The following DNAH5 variants were observed in gnomAD, a reference collection of about 807,000 sequenced individuals.
DNAH5 encodes the protein axonemal beta dynein heavy chain 5.
In DNAH5, 372 loss-of-function variants were observed where a neutral mutation model predicts 518.2. The ratio of observed to expected loss-of-function variants is 0.72; its 90% CI spans 0.66 to 0.78. The LOEUF is 0.78. DNAH5 is among the 30% of genes least tolerant of loss of function. DNAH5 has a pLI of 0.00. For synonymous variants in DNAH5, 2,039 were observed against 2,025.9 expected, an observed-to-expected ratio of 1.01 and a Z score of -0.17; for missense variants, 5,523 against 5,687.0, an observed-to-expected ratio of 0.97 and a Z score of 0.93.
chr5:13,866,384 T>G, intron 25 of DNAH5, 102 bp from the exon 26 acceptor site: 1 of 899,764 alleles, frequency 1.1e-6, no homozygotes, highest in Non-Finnish European at 1.7e-6. Context: ...TCATGCATGA[T>G]AGGAAACTTC....
intron 38 of DNAH5, among the ~76,000 whole-genome samples, chr5:13,826,447 G>A (rs1762899328): frequency 6.6e-6 from 1 of 152,204 alleles, no homozygotes; most frequent in South Asian, 2.1e-4. Context: ...GAGGGACCAG[G>A]TGGAGGTAAT....
intron 78 of DNAH5, among the ~76,000 whole-genome samples, chr5:13,698,042 A>T (rs551562951): frequency 2.6e-5 from 4 of 152,334 alleles, no homozygotes; most frequent in African/African-American, 9.6e-5. Flanking sequence ...TCATCATGCC[A>T]GTGAGATAGT....
At chr5:13,762,583 T>C (rs956275516) in intron 60 of DNAH5, 139 bp downstream of exon 60, 1 of 749,782 alleles carries the variant, frequency 1.3e-6, no homozygotes, top group African/African-American at 1.7e-5. Flanking sequence ...ATGCTTGGCC[T>C]TTCTATGCTC....
At chr5:13,748,556 T>G (rs1008628124) in intron 65 of DNAH5, among the ~76,000 whole-genome samples, 43 of 152,196 alleles carry the variant, frequency 2.8e-4, no homozygotes, top group African/African-American at 8.2e-4. Context: ...TTATTTCGTT[T>G]AGCAGTGGTT....
intron 55 of DNAH5, among the ~76,000 whole-genome samples, chr5:13,776,015 C>A (rs1754037976): frequency 6.6e-6 from 1 of 151,910 alleles, no homozygotes; most frequent in African/African-American, 2.4e-5. Flanking sequence ...TCTAACCTCT[C>A]CTCTACTACT....
At chr5:13,717,568 TA>T in intron 72 of DNAH5, 48 bp from the exon 73 acceptor site, 1 of 1,388,214 alleles carries the variant, frequency 7.2e-7, no homozygotes, top group Non-Finnish European at 1.0e-6. Flanking sequence ...CAAATGTCTT[TA>T]TTTTCTACTA....
intron 1 of DNAH5, among the ~76,000 whole-genome samples, chr5:13,993,693 A>G (rs1326965075): frequency 6.6e-6 from 1 of 152,228 alleles, no homozygotes; most frequent in Non-Finnish European, 1.5e-5. Context: ...ACAGCTATAA[A>G]AAGAGACTGG....
Position 13,839,478 on chromosome 5 carries a change from G to A in DNAH5, c.5760C>T (p.Cys1920=), listed in dbSNP as rs1764867511. The part of the protein sequence containing the change: ...SPMDFEWLKQ[C]RFYFNEDSDK... Reference sequence around the variant, plus strand: ...CAGAATCTTCGTTAAAGTAAAATCTGCACTGTTTCAGCCACTCAAAGTCCA... The same window carrying A: ...CAGAATCTTCGTTAAAGTAAAATCTACACTGTTTCAGCCACTCAAAGTCCA... Residue 1920 remains cysteine, a synonymous_variant, in exon 35 of 79, where the codon TGC becomes TGT. Transcript: ENST00000265104. 1.2e-6 allele frequency: 2 copies of A among 1,613,844 alleles called. No individual in the cohort carries two copies. Among genetic ancestry groups the A allele is most frequent in the Non-Finnish European group, 1.7e-6 (2 of 1,179,886 alleles).
At chr5:13,970,340 C>T (rs1781785253) in intron 1 of DNAH5, among the ~76,000 whole-genome samples, 1 of 151,876 alleles carries the variant, frequency 6.6e-6, no homozygotes, top group Admixed American at 6.6e-5. Flanking sequence ...CTAGTTATTG[C>T]CTGAATACCT....
intron 40 of DNAH5, among the ~76,000 whole-genome samples, chr5:13,821,653 T>C (rs190336233): frequency 1.3e-5 from 2 of 152,328 alleles, no homozygotes; most frequent in East Asian, 3.9e-4. Context: ...TCACAGTACG[T>C]AATGATTTCA....
intron 31 of DNAH5, among the ~76,000 whole-genome samples, chr5:13,847,510 A>G (rs1345017135): frequency 6.6e-6 from 1 of 152,152 alleles, no homozygotes; most frequent in Non-Finnish European, 1.5e-5. Context: ...ACCTGACATC[A>G]GGAGTTTGAG....
intron 25 of DNAH5, among the ~76,000 whole-genome samples, chr5:13,866,841 A>G (rs989242431): frequency 5.9e-5 from 9 of 152,138 alleles, no homozygotes; most frequent in African/African-American, 2.2e-4. Context: ...AACTCTATAT[A>G]TTTCCCTTCT....
At chr5:13,692,286 C>T in intron 78 of DNAH5, 151 bp from the exon 79 acceptor site, 1 of 872,192 alleles carries the variant, frequency 1.1e-6, no homozygotes, top group African/African-American at 1.7e-5. Flanking sequence ...TCAGGCAATT[C>T]CTAGATGTGA....
At chr5:13,783,997 C>T (rs1755588789) in intron 52 of DNAH5, among the ~76,000 whole-genome samples, 7 of 152,142 alleles carry the variant, frequency 4.6e-5, no homozygotes, top group Admixed American at 4.6e-4. Context: ...GAGAAAACAC[C>T]AGCGAGGCCC....
At chr5:13,775,016 C>T (rs1753868377) in intron 55 of DNAH5, among the ~76,000 whole-genome samples, 1 of 152,030 alleles carries the variant, frequency 6.6e-6, no homozygotes, top group Admixed American at 6.5e-5. Context: ...TTGATCTGTG[C>T]TCTGCATGTA....
In DNAH5 at chr5:13,766,166, G is replaced by A. The variant is rs139821753; in HGVS notation, c.9911C>T (p.Ser3304Leu). The part of the protein sequence containing the change: ...AEAALQTIRP[S>L]DIATVRTLGR... Reference sequence around the variant, plus strand: ...CAACGTGCGAACAGTGGCGATGTCCGAAGGCCTGATGGTCTGGGGGATGAA... The same window carrying A: ...CAACGTGCGAACAGTGGCGATGTCCAAAGGCCTGATGGTCTGGGGGATGAA... Residue 3304 changes from serine to leucine, a missense_variant, in exon 59 of 79, where the codon TCG becomes TTG. Coordinates refer to ENST00000265104, the MANE Select transcript of DNAH5 (RefSeq NM_001369.3). 90 of 1,614,046 alleles carry A rather than the reference G, an allele frequency of 5.6e-5. No individual in the cohort carries two copies. The highest frequency in any genetic ancestry group is 1.2e-4 in the African/African-American group (9 of 74,928).
Position 13,714,412 on chromosome 5 carries a change from G to A in DNAH5, c.13118C>T (p.Pro4373Leu), listed in dbSNP as rs1459001748. The change falls in exon 75 of 79, where the codon CCC (proline) becomes CTC (leucine). Residue 4373 changes from proline to leucine, a missense_variant. Transcript: ENST00000265104. Reference sequence around the variant, plus strand: ...AGGATTTCATCAACTCACTTCAAAGGGGACATAGTCTGGGGGCAGCTTCTC... The same window carrying A: ...AGGATTTCATCAACTCACTTCAAAGAGGACATAGTCTGGGGGCAGCTTCTC... ...MLEKLPPDYV[P>L]FEVKERLQKM... The A allele has an allele frequency of 6.2e-7, 1 of 1,614,076 alleles. No individual in the cohort carries two copies. Among genetic ancestry groups the A allele is most frequent in the East Asian group, 2.2e-5 (1 of 44,880 alleles).
chr5:13,802,260 C>G (rs552615297), intron 47 of DNAH5, among the ~76,000 whole-genome samples: 5 of 152,240 alleles, frequency 3.3e-5, no homozygotes, highest in Non-Finnish European at 7.4e-5. Flanking sequence ...TTAACCCAAG[C>G]TGTGACAGCA....
chr5:13,878,336 T>C (rs886457881), intron 21 of DNAH5, among the ~76,000 whole-genome samples: 1 of 152,168 alleles, frequency 6.6e-6, no homozygotes, highest in Non-Finnish European at 1.5e-5. Flanking sequence ...ATGGAAACAC[T>C]ACCAGGGGCT....
Sources: gnomAD v4.1 joint callset for allele counts (sites outside exome capture counted in the v4.1 genomes callset) on GRCh38, gnomAD v4.1.1 for gene constraint, MANE v1.5 for transcripts, NCBI Gene and HGNC (gene_info 2026-07-23, HGNC 2026-07-21) for gene names.